The following DYM variants were observed in gnomAD, a reference collection of about 807,000 sequenced individuals.
The protein encoded by DYM is dymeclin, also known as dyggve-Melchior-Clausen syndrome protein.
Under a neutral mutation model 93.1 loss-of-function variants are expected in DYM, and 78 were observed. The observed-to-expected ratio is 0.84, with a 90% CI of 0.70 to 1.01. DYM has a LOEUF of 1.01. Among genes scored for constraint, DYM ranks in the 50% least tolerant of loss-of-function variants. The pLI is 0.00. For missense variants in DYM, 789 were observed against 845.0 expected (o/e 0.93, Z 0.82); for synonymous variants, 321 against 319.7 (o/e 1.00, Z -0.04).
chr18:49,202,456 C>T (rs553322380), intron 14 of DYM, among the ~76,000 whole-genome samples: 8 of 137,912 alleles, frequency 5.8e-5, no homozygotes, highest in South Asian at 5.2e-4. Context: ...GGCCGCCCAT[C>T]GTCTGGGATG....
chr18:49,191,842 G>T (rs2091001718), intron 14 of DYM, among the ~76,000 whole-genome samples: 1 of 152,104 alleles, frequency 6.6e-6, no homozygotes, highest in Non-Finnish European at 1.5e-5. Context: ...TTATTAAAAG[G>T]ATTATTAAGA....
At chr18:49,078,372 T>C (rs113616467) in intron 17 of DYM, among the ~76,000 whole-genome samples, 38 of 151,100 alleles carry the variant, frequency 2.5e-4, no homozygotes, top group African/African-American at 8.5e-4. Context: ...AATATACCTA[T>C]GCACCCACAA....
At chr18:49,226,189 G>A (rs760826714) in intron 13 of DYM, among the ~76,000 whole-genome samples, 4 of 152,044 alleles carry the variant, frequency 2.6e-5, no homozygotes, top group Non-Finnish European at 4.4e-5. Context: ...CTAAAATTCC[G>A]AGACTGAACA....
chr18:49,097,241 T>G (rs2079625816), intron 17 of DYM, 161 bp downstream of exon 17: 7 of 682,986 alleles, frequency 1.0e-5, no homozygotes, highest in South Asian at 1.0e-4. Context: ...TATTAATGCT[T>G]CTTTTGAAAA....
chr18:49,432,724 T>A (rs1225765887), intron 1 of DYM, among the ~76,000 whole-genome samples: 2 of 151,794 alleles, frequency 1.3e-5, no homozygotes, highest in Non-Finnish European at 2.9e-5. Flanking sequence ...GGAGCCTCAT[T>A]GCCTCAGCCT....
At chr18:49,152,278 G>A (rs1284035553) in intron 15 of DYM, among the ~76,000 whole-genome samples, 2 of 152,124 alleles carry the variant, frequency 1.3e-5, no homozygotes, top group Non-Finnish European at 2.9e-5. Flanking sequence ...TGTTTCATTC[G>A]ATCCTTCAGT....
At chr18:49,264,038 T>C (rs1047210478) in intron 11 of DYM, among the ~76,000 whole-genome samples, 19 of 151,618 alleles carry the variant, frequency 1.3e-4, no homozygotes, top group African/African-American at 4.1e-4. Context: ...AGCCTCCTCA[T>C]TGTTCTACAC....
At chr18:49,136,817 G>C in intron 15 of DYM, among the ~76,000 whole-genome samples, 1 of 152,148 alleles carries the variant, frequency 6.6e-6, no homozygotes, top group East Asian at 1.9e-4. Flanking sequence ...AAGAAGGAAT[G>C]TGATCCCTAC....
chr18:49,053,813 G>T (rs1004154850), intron 17 of DYM, among the ~76,000 whole-genome samples: 5 of 152,190 alleles, frequency 3.3e-5, no homozygotes, highest in Non-Finnish European at 5.9e-5. Flanking sequence ...TAAACCAAAT[G>T]TTGGTGGGCT....
At chr18:49,078,199 C>T (rs2077473132) in intron 17 of DYM, among the ~76,000 whole-genome samples, 1 of 151,962 alleles carries the variant, frequency 6.6e-6, no homozygotes, top group East Asian at 1.9e-4. Flanking sequence ...TTAGGGTGAC[C>T]ATAGTCAGTA....
chr18:49,263,087 A>T (rs1278503200), intron 11 of DYM, among the ~76,000 whole-genome samples: 1 of 152,162 alleles, frequency 6.6e-6, no homozygotes, highest in Non-Finnish European at 1.5e-5. Flanking sequence ...GCGAGAATTT[A>T]CTAGGAAGCA....
Position 49,253,595 on chromosome 18 carries a change from C to T in DYM, c.1460+3415G>A, listed in dbSNP as rs372831448. On this transcript the variant is annotated intron_variant, in intron 13 of 17. Coordinates refer to ENST00000675505, the MANE Select transcript of DYM (RefSeq NM_001353214.3). The stretch of plus-strand genomic sequence containing the variant: ...TAGGTCAAAAGCCACACCTACACTC[C>T]GCACTTCCAACAAGCTCCCTCCTGC... Among the ~76,000 whole-genome samples the T allele has an allele frequency of 1.4e-4, 22 of 152,280 alleles. 1 individual carries two copies. Among genetic ancestry groups the T allele is most frequent in the African/African-American group, 3.6e-4 (15 of 41,564 alleles).
At chr18:49,366,796 C>T (rs1041308335) in intron 5 of DYM, among the ~76,000 whole-genome samples, 1 of 152,144 alleles carries the variant, frequency 6.6e-6, no homozygotes, top group African/African-American at 2.4e-5. Context: ...GCACTTTATA[C>T]TCAATGTCAT....
At chr18:49,172,647 A>G (rs1322619189) in intron 14 of DYM, among the ~76,000 whole-genome samples, 1 of 152,046 alleles carries the variant, frequency 6.6e-6, no homozygotes, top group Non-Finnish European at 1.5e-5. Flanking sequence ...TCTGGATACA[A>G]GTTCTTTATC....
intron 14 of DYM, among the ~76,000 whole-genome samples, chr18:49,178,956 C>G (rs1479212575): frequency 6.6e-6 from 1 of 151,812 alleles, no homozygotes; most frequent in Non-Finnish European, 1.5e-5. Flanking sequence ...ATTCATGCTT[C>G]GTGCTCCCTC....
intron 5 of DYM, among the ~76,000 whole-genome samples, chr18:49,364,205 G>A (rs943395689): frequency 6.6e-6 from 1 of 152,150 alleles, no homozygotes; most frequent in Non-Finnish European, 1.5e-5. Context: ...AGCATTTTGT[G>A]AGGCCAAGGC....
intron 2 of DYM, among the ~76,000 whole-genome samples, chr18:49,410,969 A>C (rs1294895416): frequency 6.6e-6 from 1 of 152,146 alleles, no homozygotes; most frequent in Non-Finnish European, 1.5e-5. Context: ...AATAACTTGC[A>C]TTTTGTACAG....
chr18:49,187,041 G>A (rs978721212), intron 14 of DYM, among the ~76,000 whole-genome samples: 5 of 150,294 alleles, frequency 3.3e-5, no homozygotes, highest in Non-Finnish European at 5.9e-5. Flanking sequence ...TGCCTCAGCC[G>A]TCCGAGTAGC....
intron 8 of DYM, among the ~76,000 whole-genome samples, chr18:49,316,157 C>T (rs766906557): frequency 1.4e-4 from 22 of 152,128 alleles, no homozygotes; most frequent in African/African-American, 2.9e-4. Context: ...CGGCGCATGC[C>T]TGTAATCCCA....
Sources: gnomAD v4.1 joint callset for allele counts (sites outside exome capture counted in the v4.1 genomes callset) on GRCh38, gnomAD v4.1.1 for gene constraint, MANE v1.5 for transcripts, NCBI Gene and HGNC (gene_info 2026-07-23, HGNC 2026-07-21) for gene names.